Variants in PRKCB observed in about 807,000 individuals in gnomAD.
The protein encoded by PRKCB is protein kinase C beta type.
PRKCB carries 13 observed loss-of-function variants against 81.5 expected under a neutral mutation model. The ratio of observed to expected loss-of-function variants is 0.16; its 90% CI spans 0.10 to 0.25. The LOEUF (loss-of-function observed/expected upper bound fraction) is 0.25, where lower values mean the gene tolerates loss of function less well. PRKCB is among the 10% of genes least tolerant of loss of function. PRKCB has a pLI of 1.00. For synonymous variants in PRKCB, 335 were observed against 321.4 expected (o/e 1.04, Z -0.45); for missense variants, 509 against 875.7 (o/e 0.58, Z 5.29).
chr16:24,215,986 TAAAAAA>T lies in PRKCB; in HGVS notation c.*1180_*1185del. On this transcript the variant is annotated 3_prime_UTR_variant, in exon 17 of 17. Transcript: ENST00000643927. ...TTTTTCTTCTAGCATCGAGATACAA[TAAAAAA>T]AAAAAAAAAGAAAAGAAGAAGAAAT... 1.1e-6 allele frequency: 1 copy of T among 908,444 alleles called. No individual in the cohort carries two copies. Among genetic ancestry groups the T allele is most frequent in the African/African-American group, 2.1e-5 (1 of 47,410 alleles). The allele number at this position is 908,444 out of a possible 1,614,324, so 56.3% of individuals were successfully genotyped here. A position where few individuals can be genotyped will look rare whatever the true frequency, so the allele number is the denominator to read the frequency against.
intron 2 of PRKCB, among the ~76,000 whole-genome samples, chr16:23,925,501 G>A (rs1047065067): frequency 2.0e-5 from 3 of 152,000 alleles, no homozygotes; most frequent in African/African-American, 7.2e-5. Context: ...CCATTTCTAG[G>A]GGACTGGGGA....
chr16:24,057,978 C>T (rs1283770124), intron 5 of PRKCB, among the ~76,000 whole-genome samples: 1 of 152,190 alleles, frequency 6.6e-6, no homozygotes, highest in African/African-American at 2.4e-5. Context: ...GAAACCTAAA[C>T]TCCTCACTCC....
At chr16:23,993,753 G>A (rs942244361) in intron 3 of PRKCB, among the ~76,000 whole-genome samples, 6 of 152,134 alleles carry the variant, frequency 3.9e-5, no homozygotes, top group East Asian at 3.9e-4. Context: ...AGGTAGGTGC[G>A]GTTACCTTAA....
At chr16:24,091,620 C>CT (rs67333744) in intron 5 of PRKCB, among the ~76,000 whole-genome samples, 140 of 149,446 alleles carry the variant, frequency 9.4e-4, no homozygotes, top group Middle Eastern at 6.8e-3. Flanking sequence ...GTAAGTTCAT[C>CT]TTTTTTTTTT....
intron 3 of PRKCB, among the ~76,000 whole-genome samples, chr16:23,989,412 C>T (rs1028666380): frequency 2.0e-5 from 3 of 152,156 alleles, no homozygotes; most frequent in Non-Finnish European, 2.9e-5. Context: ...TATCAGGGCC[C>T]AGGAATGAGG....
In PRKCB at chr16:24,217,522, GAGA is replaced by G; in HGVS notation, c.*2709_*2711del. 1 of 985,438 alleles carries G rather than the reference GAGA, an allele frequency of 1.0e-6. No homozygotes were observed. The allele number at this position is 985,438 out of a possible 1,614,324, so 61.0% of individuals were successfully genotyped here. A position where few individuals can be genotyped will look rare whatever the true frequency, so the allele number is the denominator to read the frequency against. ...CAACCTCAAAGAAATGATCTCAACA[GAGA>G]AGCTTATTCTCTCCCAACTTCTACG... On this transcript the variant is annotated 3_prime_UTR_variant, in exon 17 of 17. Transcript: ENST00000643927.
At chr16:24,109,049 T>C (rs1427379091) in intron 7 of PRKCB, among the ~76,000 whole-genome samples, 1 of 137,294 alleles carries the variant, frequency 7.3e-6, no homozygotes, top group Non-Finnish European at 1.6e-5. Context: ...CCCACCTCTC[T>C]CCCAGATGGG....
At chr16:23,902,735 T>TCCCCCCCCCCCCCCCCCCC (rs1223128232) in intron 2 of PRKCB, among the ~76,000 whole-genome samples, 1 of 16,662 alleles carries the variant, frequency 6.0e-5, no homozygotes, top group Non-Finnish European at 1.0e-4. Context: ...CCTTCCTCCC[T>TCCCCCCCCCCCCCCCCCCC]TCCTTCCTTC....
chr16:24,041,359 T>C (rs538500192), intron 5 of PRKCB, among the ~76,000 whole-genome samples: 4 of 152,176 alleles, frequency 2.6e-5, no homozygotes, highest in African/African-American at 7.2e-5. Flanking sequence ...GCTAACAATA[T>C]CTTATTCAAT....
At chr16:24,123,048 C>T in intron 8 of PRKCB, among the ~76,000 whole-genome samples, 1 of 152,202 alleles carries the variant, frequency 6.6e-6, no homozygotes, top group South Asian at 2.1e-4. Context: ...GTGTCCACAA[C>T]AGTCTCCAAT....
At chr16:23,852,162 G>A (rs148351442) in intron 2 of PRKCB, among the ~76,000 whole-genome samples, 1,773 of 152,238 alleles carry the variant, frequency 0.012, 69 homozygotes, top group Admixed American at 0.073. Flanking sequence ...CTATTGAAAA[G>A]AAAGGGTGAG....
intron 2 of PRKCB, among the ~76,000 whole-genome samples, chr16:23,911,806 C>T (rs1461234257): frequency 6.8e-6 from 1 of 146,446 alleles, no homozygotes; most frequent in East Asian, 2.0e-4. Flanking sequence ...TTGTCTTGTC[C>T]TGGGATATGC....
intron 9 of PRKCB, among the ~76,000 whole-genome samples, chr16:24,151,215 A>AT (rs1967075951): frequency 6.6e-6 from 1 of 152,068 alleles, no homozygotes; most frequent in Non-Finnish European, 1.5e-5. Context: ...TTCTAATACA[A>AT]TTTTTTCCTT....
intron 2 of PRKCB, among the ~76,000 whole-genome samples, chr16:23,956,958 G>A (rs79144924): frequency 0.034 from 3,191 of 93,860 alleles, 128 homozygotes; most frequent in African/African-American, 0.11. Context: ...ATAAATTACA[G>A]GTGGAGTAAG....
intron 2 of PRKCB, among the ~76,000 whole-genome samples, chr16:23,964,954 G>A (rs766712083): frequency 6.6e-6 from 1 of 152,176 alleles, no homozygotes; most frequent in South Asian, 2.1e-4. Flanking sequence ...ACAGGTGTGA[G>A]CTACCATGCC....
chr16:24,213,189 CA>C (rs1273793618), intron 16 of PRKCB, among the ~76,000 whole-genome samples: 1 of 152,082 alleles, frequency 6.6e-6, no homozygotes, highest in African/African-American at 2.4e-5. Flanking sequence ...TGCCCATCAC[CA>C]CGCCTGGCTA....
At chr16:23,862,101 A>AT (rs1010132347) in intron 2 of PRKCB, among the ~76,000 whole-genome samples, 1 of 151,734 alleles carries the variant, frequency 6.6e-6, no homozygotes, top group African/African-American at 2.4e-5. Flanking sequence ...GTAATTTTGG[A>AT]TTGTATCCTG....
intron 16 of PRKCB, among the ~76,000 whole-genome samples, chr16:24,201,180 A>T (rs1967951292): frequency 6.6e-6 from 1 of 152,246 alleles, no homozygotes; most frequent in South Asian, 2.1e-4. Context: ...TTGATCCTTC[A>T]TGCTTATCTC....
intron 2 of PRKCB, among the ~76,000 whole-genome samples, chr16:23,953,894 T>TTG (rs1263114673): frequency 6.7e-6 from 1 of 149,988 alleles, no homozygotes; most frequent in African/African-American, 2.5e-5. Context: ...CCATCTTTTT[T>TTG]TTTTTTCTGT....
Sources: gnomAD v4.1 joint callset for allele counts (sites outside exome capture counted in the v4.1 genomes callset) on GRCh38, gnomAD v4.1.1 for gene constraint, MANE v1.5 for transcripts, NCBI Gene and HGNC (gene_info 2026-07-23, HGNC 2026-07-21) for gene names.